NEDD9: variants seen among roughly 807,000 people sequenced by gnomAD.
NEDD9 encodes the protein neural precursor cell expressed, developmentally down-regulated 9, also known as enhancer of filamentation 1.
Under a neutral mutation model 76.6 loss-of-function variants are expected in NEDD9, and 26 were observed. That is an observed-to-expected ratio of 0.34 (90% CI 0.25 to 0.47). The LOEUF is 0.47. NEDD9 is among the 20% of genes least tolerant of loss of function. The pLI is 1.00. For synonymous variants in NEDD9, 392 were observed against 414.2 expected, an observed-to-expected ratio of 0.95 and a Z score of 0.65; for missense variants, 937 against 1,058.5, an observed-to-expected ratio of 0.89 and a Z score of 1.59.
At chr6:11,228,928 T>A (rs1759387803) in intron 1 of NEDD9, among the ~76,000 whole-genome samples, 1 of 152,134 alleles carries the variant, frequency 6.6e-6, no homozygotes, top group African/African-American at 2.4e-5. Context: ...GTTGCAAAAA[T>A]CATACAGAGA....
chr6:11,196,232 A>T (rs1231306036), intron 2 of NEDD9, among the ~76,000 whole-genome samples: 1 of 152,162 alleles, frequency 6.6e-6, no homozygotes, highest in Non-Finnish European at 1.5e-5. Context: ...TGAACCTGGG[A>T]GGAGGAGCTT....
At chr6:11,221,436 G>T (rs968739523) in intron 1 of NEDD9, among the ~76,000 whole-genome samples, 11 of 152,048 alleles carry the variant, frequency 7.2e-5, no homozygotes, top group African/African-American at 2.7e-4. Context: ...GAACACCTAG[G>T]TTTTTTATAG....
chr6:11,339,625 T>C (rs367894367), intron 1 of NEDD9, among the ~76,000 whole-genome samples: 6 of 152,222 alleles, frequency 3.9e-5, no homozygotes, highest in African/African-American at 1.4e-4. Context: ...AAATGATCAA[T>C]TGGACACATG....
intron 3 of NEDD9, among the ~76,000 whole-genome samples, chr6:11,291,032 G>T (rs991440008): frequency 1.3e-5 from 2 of 151,980 alleles, no homozygotes; most frequent in Non-Finnish European, 1.5e-5. Flanking sequence ...GAAGTGAAAG[G>T]CCCCGAGATA....
rs1316749977 is a variant in NEDD9, at chr6:11,241,780, C to T, written c.13-28053G>A. On this transcript the variant is annotated intron_variant, in intron 3 of 3. Coordinates refer to the NEDD9 transcript ENST00000397378. This position sits in a 1 kb window ranked among gnomAD's most constrained non-coding sequence, Gnocchi z 4.0. ...CCTCCAAGAAGGCCTCCCTCCCGTGCCCCGCTGCCCTCATCAGCTGAGGCC... is the reference window on the plus strand; with the variant it reads ...CCTCCAAGAAGGCCTCCCTCCCGTGTCCCGCTGCCCTCATCAGCTGAGGCC... Among the ~76,000 whole-genome samples the T allele has an allele frequency of 2.6e-5, 4 of 152,236 alleles. No individual in the cohort carries two copies. The highest frequency in any genetic ancestry group is 5.9e-5 in the Non-Finnish European group (4 of 68,036).
chr6:11,274,631 A>G (rs1760380880), intron 3 of NEDD9, among the ~76,000 whole-genome samples: 1 of 152,228 alleles, frequency 6.6e-6, no homozygotes, highest in East Asian at 1.9e-4. Flanking sequence ...ACCAAGCTGA[A>G]TAATACCTAC....
Position 11,191,195 on chromosome 6 carries a change from A to G in NEDD9, c.674T>C (p.Ile225Thr). 6.2e-7 allele frequency: 1 copy of G among 1,601,714 alleles called. No individual in the cohort carries two copies. Among genetic ancestry groups the G allele is most frequent in the South Asian group, 1.1e-5 (1 of 89,328 alleles). Residue 225 changes from isoleucine (I) to threonine (T), a missense_variant, in exon 5 of 7, where the codon ATT (isoleucine) becomes ACT (threonine). Coordinates refer to ENST00000379446, the MANE Select transcript of NEDD9 (RefSeq NM_006403.4). Reference protein sequence around the residue: ...DIPPTKGVYAIPPSACRDEAG... With the variant: ...DIPPTKGVYATPPSACRDEAG... ...TTCATCCCGGCAAGCAGAGGGCGGA[A>G]TGGCATATACCTGCAAAGCAAGTAG...
Position 11,361,668 on chromosome 6 carries a change from C to T in NEDD9, c.-214+20471G>A, listed in dbSNP as rs140458870. 2.5e-3 allele frequency among the ~76,000 whole-genome samples: 387 copies of T among 152,284 alleles called. 2 individuals are homozygous for T. The highest frequency in any genetic ancestry group is 8.7e-3 in the African/African-American group (362 of 41,568). The stretch of plus-strand genomic sequence containing the variant: ...ACCTAAACTATATCATCCCTATTCA[C>T]AGCAGATGGTTAGGAAATGCTTATA... On this transcript the variant is annotated intron_variant, in intron 1 of 3. Coordinates refer to the NEDD9 transcript ENST00000397378.
chr6:11,243,247 A>G (rs1035912578), intron 3 of NEDD9, among the ~76,000 whole-genome samples: 1 of 152,228 alleles, frequency 6.6e-6, no homozygotes, highest in African/African-American at 2.4e-5. Context: ...ATCAATAACC[A>G]TCAAAGCCAT....
chr6:11,341,277 C>T (rs1326139997), intron 1 of NEDD9, among the ~76,000 whole-genome samples: 1 of 152,182 alleles, frequency 6.6e-6, no homozygotes, highest in African/African-American at 2.4e-5. Context: ...GTGAGGTGAG[C>T]CCCACAGTAG....
At chr6:11,192,304 C>A in intron 4 of NEDD9, 41 bp downstream of exon 4, 1 of 860,428 alleles carries the variant, frequency 1.2e-6, no homozygotes, top group South Asian at 1.6e-5. Context: ...CACAGACACA[C>A]ACACACACTC....
At chr6:11,367,686 T>A (rs1438303896) in intron 1 of NEDD9, among the ~76,000 whole-genome samples, 1 of 137,918 alleles carries the variant, frequency 7.3e-6, no homozygotes, top group East Asian at 2.0e-4. Flanking sequence ...AAGGAACTTA[T>A]TTTTAGTGGA....
chr6:11,292,157 C>T (rs1022202716), intron 3 of NEDD9, among the ~76,000 whole-genome samples: 1 of 152,116 alleles, frequency 6.6e-6, no homozygotes, highest in East Asian at 1.9e-4. Context: ...TTCAAGAAAC[C>T]CCCAAAGCTT....
chr6:11,313,688 ACTTT>A (rs1761453303), intron 2 of NEDD9, among the ~76,000 whole-genome samples: 1 of 152,184 alleles, frequency 6.6e-6, no homozygotes, highest in Non-Finnish European at 1.5e-5. Flanking sequence ...TCTGCAAGTA[ACTTT>A]CTTTGAGACC....
chr6:11,298,022 C>A (rs11754218), intron 3 of NEDD9, among the ~76,000 whole-genome samples: 1 of 151,736 alleles, frequency 6.6e-6, no homozygotes. Flanking sequence ...ATTCTCATGC[C>A]TCAGCCTTCT....
At chr6:11,346,486 C>CA (rs530242479) in intron 1 of NEDD9, among the ~76,000 whole-genome samples, 27 of 151,424 alleles carry the variant, frequency 1.8e-4, no homozygotes, top group Middle Eastern at 3.4e-3. Context: ...GGCCCCCCCC[C>CA]CCGAGGTGAG....
At chr6:11,297,915 T>TC (rs1760939403) in intron 3 of NEDD9, among the ~76,000 whole-genome samples, 2 of 151,014 alleles carry the variant, frequency 1.3e-5, no homozygotes, top group South Asian at 4.2e-4. Flanking sequence ...TCTTTTCTTT[T>TC]TTTTTTTTTG....
At chr6:11,335,686 C>T (rs2113512672) in intron 1 of NEDD9, among the ~76,000 whole-genome samples, 1 of 152,316 alleles carries the variant, frequency 6.6e-6, no homozygotes, top group Non-Finnish European at 1.5e-5. Context: ...AATCCCAAAG[C>T]ACAGACCTTT....
At chr6:11,221,650 T>G (rs1045860053) in intron 1 of NEDD9, among the ~76,000 whole-genome samples, 1 of 152,184 alleles carries the variant, frequency 6.6e-6, no homozygotes, top group African/African-American at 2.4e-5. Context: ...CTGAGAATCT[T>G]CTCCATCTTA....
Sources: gnomAD v4.1 joint callset for allele counts (sites outside exome capture counted in the v4.1 genomes callset) on GRCh38, gnomAD v4.1.1 for gene constraint, Gnocchi (gnomAD v3.1) non-coding constraint, MANE v1.5 for transcripts, NCBI Gene and HGNC (gene_info 2026-07-23, HGNC 2026-07-21) for gene names.